Variants in ELFN2 observed in about 807,000 individuals in gnomAD.
The protein encoded by ELFN2 is protein phosphatase 1 regulatory subunit 29.
A neutral mutation model predicts 45.5 loss-of-function variants in ELFN2; 17 were observed. The observed-to-expected ratio is 0.37, with a 90% CI of 0.26 to 0.56. ELFN2 has a LOEUF of 0.56. Ranked by LOEUF, ELFN2 falls within the 20% of genes least tolerant of loss-of-function variation. The pLI is 0.77. For synonymous variants in ELFN2, 550 were observed against 551.5 expected (o/e 1.00, Z 0.04); for missense variants, 922 against 1,183.2 (o/e 0.78, Z 3.24).
chr22:37,383,455 A>C (rs185148851), intron 2 of ELFN2, among the ~76,000 whole-genome samples: 206 of 152,264 alleles, frequency 1.4e-3, no homozygotes, highest in Middle Eastern at 0.01. Flanking sequence ...TCAGCCCTGC[A>C]CACCAGCTGC....
chr22:37,375,656 G>A lies in ELFN2; in HGVS notation c.-122C>T. The A allele has an allele frequency of 7.9e-7, 1 of 1,261,076 alleles. No homozygotes were observed. Among genetic ancestry groups the A allele is most frequent in the African/African-American group, 1.5e-5 (1 of 65,634 alleles). 78.1% of individuals were successfully genotyped at this position (1,261,076 alleles called of 1,614,324 possible). A position where few individuals can be genotyped will look rare whatever the true frequency, so the allele number is the denominator to read the frequency against. ...ATCTTGGGGGCGACCCCCAGCACGG[G>A]GGCCCCAGGCAAGGTGGGTACAGCT... On this transcript the variant is annotated 5_prime_UTR_variant, in exon 3 of 3. Transcript: ENST00000402918.
At chr22:37,394,221 G>C (rs1932153087) in intron 2 of ELFN2, among the ~76,000 whole-genome samples, 1 of 152,086 alleles carries the variant, frequency 6.6e-6, no homozygotes, top group Non-Finnish European at 1.5e-5. Flanking sequence ...CACCTCTCCA[G>C]GCCACACACC....
chr22:37,423,480 C>T (rs1932825737), intron 1 of ELFN2, among the ~76,000 whole-genome samples: 2 of 152,162 alleles, frequency 1.3e-5, no homozygotes, highest in African/African-American at 4.8e-5. Flanking sequence ...AGTTTCCCTT[C>T]GAGGGTTCCA....
intron 2 of ELFN2, among the ~76,000 whole-genome samples, chr22:37,380,330 C>T (rs572431277): frequency 7.4e-5 from 4 of 53,896 alleles, no homozygotes; most frequent in Admixed American, 6.8e-4. Flanking sequence ...AGGCCCTCTC[C>T]GAGCCTGTTT....
At chr22:37,341,562 G>A (rs73164572) in intron 2 of ELFN2, among the ~76,000 whole-genome samples, 7,170 of 152,274 alleles carry the variant, frequency 0.047, 201 homozygotes, top group Middle Eastern at 0.14. Flanking sequence ...TATTTCCAAC[G>A]TGGTTGAAGG....
chr22:37,363,663 G>A (rs1282829685), downstream of ELFN2, among the ~76,000 whole-genome samples: 1 of 152,204 alleles, frequency 6.6e-6, no homozygotes, highest in African/African-American at 2.4e-5. Context: ...ATGCCGGAGA[G>A]GCAGCCCGGG....
In ELFN2 at chr22:37,375,224, C is replaced by T. The variant is rs1931542491; in HGVS notation, c.311G>A (p.Ser104Asn). Reference sequence around the variant, plus strand: ...GTAGCCCAGCTGCAGGACCTGCAGGCTCGACTGGCCCAGGAAGGCACCGTC... The same window carrying T: ...GTAGCCCAGCTGCAGGACCTGCAGGTTCGACTGGCCCAGGAAGGCACCGTC... ...IEDGAFLGQS[S>N]LQVLQLGYNK... The change falls in exon 3 of 3, where the codon AGC becomes AAC. Residue 104 changes from serine (S) to asparagine (N), a missense_variant. By Grantham distance (46) the Ser-to-Asn change is conservative. Around this residue, in one of 2 missense-constraint regions of ELFN2, gnomAD observed 358 missense variants for 540.4 expected, o/e 0.66. Coordinates refer to ENST00000402918, the MANE Select transcript of ELFN2 (RefSeq NM_052906.5). The T allele has an allele frequency of 6.2e-7, 1 of 1,614,130 alleles. No individual in the cohort carries two copies. Among genetic ancestry groups the T allele is most frequent in the Non-Finnish European group, 8.5e-7 (1 of 1,180,024 alleles).
chr22:37,412,574 G>A (rs1932675461), intron 2 of ELFN2, among the ~76,000 whole-genome samples: 1 of 152,100 alleles, frequency 6.6e-6, no homozygotes, highest in African/African-American at 2.4e-5. Flanking sequence ...CACTCCTCCA[G>A]GCCTGGCCAG....
In ELFN2 at chr22:37,373,657, G is replaced by C. The variant is rs757943128; in HGVS notation, c.1878C>G (p.Arg626=). Residue 626 remains arginine (R), a synonymous_variant, in exon 3 of 3, where the codon CGC becomes CGG. Transcript: ENST00000402918. ...RQLSADAAVT[R]KTCSVSSSGS... is the part of the protein sequence containing the mutation. ...CACTGGACGACACGCTGCAGGTCTTGCGGGTCACGGCCGCGTCGGCGCTCA... is the reference window on the plus strand; with the variant it reads ...CACTGGACGACACGCTGCAGGTCTTCCGGGTCACGGCCGCGTCGGCGCTCA... 5.7e-6 allele frequency: 9 copies of C among 1,582,234 alleles called. No homozygotes were observed. In the Admixed American group the frequency reaches 1.7e-4, roughly 29 times the overall value.
intron 2 of ELFN2, among the ~76,000 whole-genome samples, chr22:37,342,317 C>T (rs1221456001): frequency 6.6e-6 from 1 of 152,212 alleles, no homozygotes; most frequent in Non-Finnish European, 1.5e-5. Context: ...GGCCCGTCTG[C>T]CCCTTTCTCC....
intron 2 of ELFN2, among the ~76,000 whole-genome samples, chr22:37,390,877 A>G (rs1195350424): frequency 6.6e-6 from 1 of 152,148 alleles, no homozygotes; most frequent in Non-Finnish European, 1.5e-5. Flanking sequence ...GCCCAGGGGG[A>G]GGCCCTGGAG....
At chr22:37,393,740 G>C (rs115246115) in intron 2 of ELFN2, among the ~76,000 whole-genome samples, 1 of 152,128 alleles carries the variant, frequency 6.6e-6, no homozygotes, top group Non-Finnish European at 1.5e-5. Context: ...TCCCCAGAGC[G>C]TCCCCATCAC....
chr22:37,348,737 C>A (rs1425521133), intron 1 of ELFN2, among the ~76,000 whole-genome samples: 1 of 150,828 alleles, frequency 6.6e-6, no homozygotes, highest in African/African-American at 2.4e-5. Context: ...TGTGTCCTAT[C>A]TGAGGAATGT....
intron 2 of ELFN2, chr22:37,385,143 T>A (rs548639996): frequency 6.6e-6 from 1 of 152,270 alleles, no homozygotes; most frequent in Admixed American, 6.5e-5. Flanking sequence ...CGAAGCCCCC[T>A]GAGAGGTAGC....
intron 2 of ELFN2, among the ~76,000 whole-genome samples, chr22:37,405,236 G>T (rs1027448641): frequency 6.6e-6 from 1 of 151,990 alleles, no homozygotes. Flanking sequence ...GGGATTATAG[G>T]TGCATTCCAC....
At chr22:37,413,657 C>T (rs1932709016) in intron 2 of ELFN2, among the ~76,000 whole-genome samples, 1 of 152,062 alleles carries the variant, frequency 6.6e-6, no homozygotes, top group Non-Finnish European at 1.5e-5. Context: ...AAGCTCAAAG[C>T]CCACTGCCTC....
At chr22:37,348,863 G>T (rs954503290) in intron 1 of ELFN2, among the ~76,000 whole-genome samples, 2 of 150,846 alleles carry the variant, frequency 1.3e-5, no homozygotes, top group African/African-American at 4.8e-5. Context: ...AAATATGATG[G>T]CTTGGTGGAG....
chr22:37,357,690 G>A (rs562658656), intron 1 of ELFN2, among the ~76,000 whole-genome samples: 85 of 152,290 alleles, frequency 5.6e-4, no homozygotes, highest in African/African-American at 1.9e-3. Context: ...CCTTGAGTCA[G>A]GCATTGCAAA....
At chr22:37,381,832 G>A (rs1931780955) in intron 2 of ELFN2, among the ~76,000 whole-genome samples, 1 of 151,742 alleles carries the variant, frequency 6.6e-6, no homozygotes, top group African/African-American at 2.4e-5. Flanking sequence ...ACTCGGCTGA[G>A]TCAGTCCCAG....
Sources: gnomAD v4.1 joint callset for allele counts (sites outside exome capture counted in the v4.1 genomes callset) on GRCh38, gnomAD v4.1.1 for gene constraint, gnomAD v4.1.1 regional missense constraint, MANE v1.5 for transcripts, NCBI Gene and HGNC (gene_info 2026-07-23, HGNC 2026-07-21) for gene names.